Variants in OR51B5 observed in about 807,000 individuals in gnomAD.
OR51B5 encodes olfactory receptor 51B5.
For synonymous variants in OR51B5, 186 were observed against 144.8 expected (o/e 1.28, Z -2.04); for missense variants, 456 against 374.6 (o/e 1.22, Z -1.79).
At chr11:5,494,350 C>A (rs1369750144) in intron 1 of OR51B5, among the ~76,000 whole-genome samples, 3 of 152,092 alleles carry the variant, frequency 2.0e-5, no homozygotes, top group Non-Finnish European at 2.9e-5. Flanking sequence ...ATTGTCAGTA[C>A]CTGAATGTCT....
At chr11:5,342,491 C>A (rs2133676772), downstream of OR51B5, 1 of 1,423,148 alleles carries the variant, frequency 7.0e-7, no homozygotes, top group Non-Finnish European at 9.3e-7. Context: ...TTTACCAAGT[C>A]ATATGAGCAT....
chr11:5,481,597 T>G (rs1851421359), intron 1 of OR51B5, among the ~76,000 whole-genome samples: 1 of 150,422 alleles, frequency 6.6e-6, no homozygotes, highest in Admixed American at 6.6e-5. Context: ...CATGAATGTG[T>G]ATCTAGAAAA....
intron 1 of OR51B5, among the ~76,000 whole-genome samples, chr11:5,480,309 C>A (rs577480913): frequency 1.3e-5 from 2 of 151,468 alleles, no homozygotes; most frequent in Middle Eastern, 3.4e-3. Flanking sequence ...TTGAAACCAA[C>A]GAGAACAAAG....
At chr11:5,394,279 G>C (rs1849837381) in intron 1 of OR51B5, among the ~76,000 whole-genome samples, 1 of 151,928 alleles carries the variant, frequency 6.6e-6, no homozygotes, top group African/African-American at 2.4e-5. Flanking sequence ...TTACAGATAA[G>C]TACACTGAGG....
At chr11:5,352,011 A>AT (rs775324403) in intron 1 of OR51B5, 1 of 1,613,656 alleles carries the variant, frequency 6.2e-7, no homozygotes, top group Non-Finnish European at 8.5e-7. Flanking sequence ...CCTACTGTCG[A>AT]TCCCATGTAC....
intron 1 of OR51B5, among the ~76,000 whole-genome samples, chr11:5,458,254 C>G (rs1254949403): frequency 1.3e-5 from 2 of 152,034 alleles, no homozygotes; most frequent in East Asian, 3.9e-4. Context: ...TTATTGTTGA[C>G]TTTGTCAAAG....
In OR51B5 at chr11:5,489,127, C is replaced by T. The variant is rs759011048; in HGVS notation, n.84+16442G>A. On this transcript the variant is annotated intron_variant and non_coding_transcript_variant, in intron 1 of 4. Transcript: ENST00000415970. The stretch of plus-strand genomic sequence containing the variant: ...ATTAAGGTACACAACCATTCTCAAC[C>T]ATGCTGTCATAGGCAGAATTGGCTT... 4 of 1,614,012 alleles carry T rather than the reference C, an allele frequency of 2.5e-6. No homozygotes were observed. The South Asian group carries it at 4.4e-5, about 18-fold the overall frequency.
intron 1 of OR51B5, among the ~76,000 whole-genome samples, chr11:5,415,265 C>T (rs1344905545): frequency 6.6e-6 from 1 of 150,628 alleles, no homozygotes; most frequent in Non-Finnish European, 1.5e-5. Flanking sequence ...CTCTGGGACA[C>T]ATTCAAAGCA....
intron 1 of OR51B5, among the ~76,000 whole-genome samples, chr11:5,364,837 C>T (rs1311994654): frequency 6.6e-6 from 1 of 152,156 alleles, no homozygotes; most frequent in African/African-American, 2.4e-5. Context: ...GACTTTGTTA[C>T]CTTTCCTAAG....
chr11:5,418,503 G>A (rs536922496), intron 1 of OR51B5, among the ~76,000 whole-genome samples: 19 of 152,104 alleles, frequency 1.2e-4, no homozygotes, highest in African/African-American at 4.1e-4. Context: ...TGATCGACTG[G>A]ATTAAGAAAA....
At chr11:5,354,760 G>C (rs565463811) in intron 1 of OR51B5, 1 of 186,148 alleles carries the variant, frequency 5.4e-6, no homozygotes, top group Non-Finnish European at 1.1e-5. Context: ...ACAGGAAAAC[G>C]TCCTCCAGAA....
upstream of OR51B5, among the ~76,000 whole-genome samples, chr11:5,344,168 T>C (rs1305944012): frequency 6.6e-6 from 1 of 152,192 alleles, no homozygotes; most frequent in Non-Finnish European, 1.5e-5. Context: ...AATTACCCTC[T>C]TGTAGAATCC....
chr11:5,483,576 G>T (rs1851458565), intron 1 of OR51B5, among the ~76,000 whole-genome samples: 1 of 148,836 alleles, frequency 6.7e-6, no homozygotes, highest in African/African-American at 2.5e-5. Context: ...GAAGAGAAAA[G>T]GAAGACAAGG....
At chr11:5,373,760 G>A (rs6578616) in intron 1 of OR51B5, among the ~76,000 whole-genome samples, 145,352 of 152,138 alleles carry the variant, frequency 0.96, 69,946 homozygotes, top group Non-Finnish European at 0.98. Flanking sequence ...ACTGCAAGGT[G>A]GCAGCGAGGC....
At chr11:5,405,402 C>A (rs116081353) in intron 1 of OR51B5, among the ~76,000 whole-genome samples, 1,573 of 152,196 alleles carry the variant, frequency 0.01, 33 homozygotes, top group African/African-American at 0.036. Context: ...AGCCTTTGAT[C>A]TCATTAGTAG....
At chr11:5,343,550 T>A (rs1383807650), upstream of OR51B5, 2 of 643,420 alleles carry the variant, frequency 3.1e-6, no homozygotes, top group African/African-American at 3.6e-5. Context: ...AAGAAATGTC[T>A]TTCTGTTTCT....
In OR51B5 at chr11:5,424,460, G is replaced by C. The variant is rs74049527; in HGVS notation, n.85-77550C>G. Among the ~76,000 whole-genome samples the C allele has an allele frequency of 7.3e-3, 1,105 of 152,224 alleles. 13 individuals carry two copies. Among genetic ancestry groups the C allele is most frequent in the African/African-American group, 0.024 (1,011 of 41,544 alleles). On this transcript the variant is annotated intron_variant and non_coding_transcript_variant, in intron 1 of 4. Coordinates refer to the OR51B5 transcript ENST00000415970. Reference sequence around the variant, plus strand: ...AATCCCAGGTCACCACACAGGAAGAGGAGAGGCCAGGATCTTCCCCTCTGC... The same window carrying C: ...AATCCCAGGTCACCACACAGGAAGACGAGAGGCCAGGATCTTCCCCTCTGC...
chr11:5,415,793 C>T (rs1208303180), intron 1 of OR51B5, among the ~76,000 whole-genome samples: 1 of 152,054 alleles, frequency 6.6e-6, no homozygotes, highest in Non-Finnish European at 1.5e-5. Flanking sequence ...AATAGATTAC[C>T]AACTGAAAAG....
chr11:5,386,209 A>G (rs1849693293), intron 1 of OR51B5, among the ~76,000 whole-genome samples: 1 of 152,080 alleles, frequency 6.6e-6, no homozygotes, highest in Non-Finnish European at 1.5e-5. Flanking sequence ...CAAGAAAAGT[A>G]TGTGTAGGGA....
Sources: gnomAD v4.1 joint callset for allele counts (sites outside exome capture counted in the v4.1 genomes callset) on GRCh38, gnomAD v4.1.1 for gene constraint, MANE v1.5 for transcripts, NCBI Gene and HGNC (gene_info 2026-07-23, HGNC 2026-07-21) for gene names.